GALNTL6: variants seen among roughly 807,000 people sequenced by gnomAD.
The protein encoded by GALNTL6 is polypeptide N-acetylgalactosaminyltransferase-like 6.
Under a neutral mutation model 73.7 loss-of-function variants are expected in GALNTL6, and 46 were observed. The ratio of observed to expected loss-of-function variants is 0.62; its 90% CI spans 0.49 to 0.80. The LOEUF (loss-of-function observed/expected upper bound fraction) is 0.80, where lower values mean the gene tolerates loss of function less well. Among genes scored for constraint, GALNTL6 ranks in the 30% least tolerant of loss-of-function variants. The pLI, the probability that GALNTL6 is intolerant of heterozygous loss-of-function variation, is 0.00. For missense variants in GALNTL6, 604 were observed against 755.0 expected (o/e 0.80, Z 2.34); for synonymous variants, 259 against 263.7 (o/e 0.98, Z 0.17).
chr4:172,570,232 T>C (rs1353765399), intron 5 of GALNTL6, among the ~76,000 whole-genome samples: 3 of 151,264 alleles, frequency 2.0e-5, no homozygotes, highest in Non-Finnish European at 2.9e-5. Context: ...TGTGGAGGGG[T>C]TTTTGAGAGT....
intron 2 of GALNTL6, among the ~76,000 whole-genome samples, chr4:172,075,790 C>A (rs1474870676): frequency 2.7e-5 from 4 of 147,464 alleles, no homozygotes; most frequent in African/African-American, 1.0e-4. Context: ...AGAGAGAGAG[C>A]GATCACTGTG....
At chr4:172,021,219 G>C (rs2110800901) in intron 2 of GALNTL6, among the ~76,000 whole-genome samples, 1 of 152,048 alleles carries the variant, frequency 6.6e-6, no homozygotes, top group South Asian at 2.1e-4. Flanking sequence ...CTAAGATCTG[G>C]AACATGACAA....
At chr4:172,501,854 A>G (rs1734272941) in intron 5 of GALNTL6, among the ~76,000 whole-genome samples, 1 of 152,294 alleles carries the variant, frequency 6.6e-6, no homozygotes, top group Non-Finnish European at 1.5e-5. Flanking sequence ...TTATTTCATT[A>G]TAATGGTGCA....
rs540480242 is a variant in GALNTL6 at position 172,717,726 on chromosome 4, C to G, written c.554-91635C>G. 6.9e-4 allele frequency among the ~76,000 whole-genome samples: 105 copies of G among 152,196 alleles called. 1 individual carries two copies. In the South Asian group the frequency reaches 0.016, roughly 23 times the overall value. On this transcript the variant is annotated intron_variant, in intron 5 of 12. Coordinates refer to ENST00000506823, the MANE Select transcript of GALNTL6 (RefSeq NM_001034845.3). ...TTCTAAGCCATGAATAGAACTAATG[C>G]CATAAAGTGACTTACTAAATGGTAT...
intron 5 of GALNTL6, among the ~76,000 whole-genome samples, chr4:172,773,972 T>A (rs1184797161): frequency 2.8e-5 from 3 of 108,216 alleles, no homozygotes; most frequent in African/African-American, 8.5e-5. Flanking sequence ...TAAAAGAGAC[T>A]TAAGGGAAAA....
chr4:172,882,475 C>A (rs1745506134), intron 7 of GALNTL6, among the ~76,000 whole-genome samples: 1 of 152,150 alleles, frequency 6.6e-6, no homozygotes, highest in South Asian at 2.1e-4. Flanking sequence ...CTTTATGGGT[C>A]ATTATTACTC....
At chr4:172,552,976 G>C (rs1736020629) in intron 5 of GALNTL6, among the ~76,000 whole-genome samples, 2 of 151,722 alleles carry the variant, frequency 1.3e-5, no homozygotes, top group African/African-American at 4.8e-5. Context: ...CATCACCAAA[G>C]TGTATAGCTA....
intron 5 of GALNTL6, among the ~76,000 whole-genome samples, chr4:172,536,593 G>C (rs1735355122): frequency 6.6e-6 from 1 of 152,168 alleles, no homozygotes; most frequent in South Asian, 2.1e-4. Context: ...GAACTTGGGA[G>C]ACATGATTTA....
At chr4:172,930,149 G>A (rs777464282) in intron 8 of GALNTL6, among the ~76,000 whole-genome samples, 4 of 152,032 alleles carry the variant, frequency 2.6e-5, no homozygotes, top group Non-Finnish European at 5.9e-5. Flanking sequence ...GTGGTAGCGG[G>A]CACCTATAAT....
intron 2 of GALNTL6, among the ~76,000 whole-genome samples, chr4:172,169,885 G>T (rs1203601955): frequency 1.3e-5 from 2 of 152,174 alleles, no homozygotes; most frequent in Admixed American, 1.3e-4. Context: ...TATTTAAGGA[G>T]TCTGAGGAAC....
chr4:173,007,890 T>C (rs982294049), intron 10 of GALNTL6, among the ~76,000 whole-genome samples: 1 of 152,192 alleles, frequency 6.6e-6, no homozygotes, highest in Non-Finnish European at 1.5e-5. Context: ...ACACTTTTTA[T>C]CACCACTCTT....
At chr4:172,113,530 A>G (rs2110983525) in intron 2 of GALNTL6, among the ~76,000 whole-genome samples, 1 of 152,088 alleles carries the variant, frequency 6.6e-6, no homozygotes, top group East Asian at 1.9e-4. Flanking sequence ...TGAGTTAAGC[A>G]ATGTCTATTA....
chr4:172,877,279 A>G lies in GALNTL6; in HGVS notation c.924-5511A>G, dbSNP rs79642909. Among the ~76,000 whole-genome samples the G allele has an allele frequency of 3.4e-3, 520 of 152,306 alleles. 9 individuals are homozygous for G. The East Asian group carries it at 0.059, about 17-fold the overall frequency. On this transcript the variant is annotated intron_variant, in intron 7 of 12. Transcript: ENST00000506823. ...GTCTGAAAATGTGAGAAAGTAGGCAAGAATAAGCCAGAGAAATTTTTAATT... is the reference window on the plus strand; with the variant it reads ...GTCTGAAAATGTGAGAAAGTAGGCAGGAATAAGCCAGAGAAATTTTTAATT...
At chr4:171,947,791 T>C (rs182420753) in intron 2 of GALNTL6, among the ~76,000 whole-genome samples, 5 of 152,256 alleles carry the variant, frequency 3.3e-5, no homozygotes, top group Non-Finnish European at 5.9e-5. Context: ...AGCAGCCTAA[T>C]ATGTACTGGA....
intron 5 of GALNTL6, among the ~76,000 whole-genome samples, chr4:172,620,145 GA>G (rs1378230057): frequency 3.9e-5 from 6 of 152,246 alleles, no homozygotes; most frequent in Admixed American, 2.0e-4. Context: ...ACTTTGCTAA[GA>G]ATAACTACAT....
chr4:172,671,435 T>C (rs969796873), intron 5 of GALNTL6, among the ~76,000 whole-genome samples: 33 of 152,256 alleles, frequency 2.2e-4, no homozygotes, highest in Non-Finnish European at 1.3e-4. Flanking sequence ...GTGAATGGGA[T>C]TGCATTCATG....
chr4:172,674,905 C>T (rs113379559), intron 5 of GALNTL6, among the ~76,000 whole-genome samples: 2,814 of 152,302 alleles, frequency 0.018, 81 homozygotes, highest in African/African-American at 0.063. Flanking sequence ...CTTCCTTGCA[C>T]TGGGTTTCAA....
chr4:172,976,048 G>T (rs1246620902), intron 10 of GALNTL6, among the ~76,000 whole-genome samples: 2 of 152,054 alleles, frequency 1.3e-5, no homozygotes, highest in Non-Finnish European at 2.9e-5. Context: ...CCTGTTCCTG[G>T]CTCCCACCAG....
rs530679838 is a variant in GALNTL6, at chr4:172,311,538, C to G, written c.248-76C>G. 21 of 1,249,110 alleles carry G rather than the reference C, an allele frequency of 1.7e-5. No individual in the cohort carries two copies. The African/African-American group carries it at 2.9e-4, about 17-fold the overall frequency. 77.4% of individuals were successfully genotyped at this position (1,249,110 alleles called of 1,614,324 possible). ...ACAGCAATAGGCGATAATACACATT[C>G]CAGTCTTCCTATCTGTTCTAGAAGA... On this transcript the variant is annotated intron_variant, in intron 3 of 12. Coordinates refer to ENST00000506823, the MANE Select transcript of GALNTL6 (RefSeq NM_001034845.3).
Sources: gnomAD v4.1 joint callset for allele counts (sites outside exome capture counted in the v4.1 genomes callset) on GRCh38, gnomAD v4.1.1 for gene constraint, MANE v1.5 for transcripts, NCBI Gene and HGNC (gene_info 2026-07-23, HGNC 2026-07-21) for gene names.